Variants in SEMA5A observed in about 807,000 individuals in gnomAD.
The protein encoded by SEMA5A is semaphorin-5A.
SEMA5A carries 55 observed loss-of-function variants against 135.5 expected under a neutral mutation model. The observed-to-expected ratio is 0.41, with a 90% confidence interval of 0.33 to 0.51. SEMA5A has a LOEUF of 0.51. Among genes scored for constraint, SEMA5A ranks in the 20% least tolerant of loss-of-function variants. SEMA5A has a pLI of 0.37. For missense variants in SEMA5A, 1,290 were observed against 1,419.9 expected, an observed-to-expected ratio of 0.91 and a Z score of 1.47; for synonymous variants, 580 against 546.5, an observed-to-expected ratio of 1.06 and a Z score of -0.85.
intron 16 of SEMA5A, among the ~76,000 whole-genome samples, chr5:9,075,742 T>G (rs1313839297): frequency 2.6e-5 from 4 of 152,186 alleles, no homozygotes; most frequent in Non-Finnish European, 5.9e-5. Flanking sequence ...CTACCTTTAT[T>G]GTGTCAATGG....
intron 18 of SEMA5A, among the ~76,000 whole-genome samples, chr5:9,056,207 G>A (rs957006226): frequency 8.5e-5 from 13 of 152,134 alleles, no homozygotes; most frequent in Admixed American, 3.3e-4. Context: ...ATGAATGGCC[G>A]ACAAGTGTGT....
chr5:9,507,317 G>A (rs537818554), intron 1 of SEMA5A, among the ~76,000 whole-genome samples: 20 of 152,322 alleles, frequency 1.3e-4, no homozygotes, highest in South Asian at 2.1e-4. Flanking sequence ...CTCAGAGAGA[G>A]GGGATGTGAG....
chr5:9,179,422 A>G (rs947790579), intron 11 of SEMA5A, among the ~76,000 whole-genome samples: 2 of 152,198 alleles, frequency 1.3e-5, no homozygotes, highest in African/African-American at 4.8e-5. Flanking sequence ...GCAAGAGACC[A>G]AGAAGAAAAC....
chr5:9,446,876 C>T (rs1013344097), intron 1 of SEMA5A, among the ~76,000 whole-genome samples: 1 of 152,156 alleles, frequency 6.6e-6, no homozygotes, highest in Non-Finnish European at 1.5e-5. Context: ...TTCTTATATC[C>T]GCCCTCTGGT....
At chr5:9,308,257 C>T (rs948427080) in intron 5 of SEMA5A, among the ~76,000 whole-genome samples, 1 of 152,136 alleles carries the variant, frequency 6.6e-6, no homozygotes, top group Non-Finnish European at 1.5e-5. Context: ...CATAGCTTCC[C>T]AACTCTCTGG....
At chr5:9,233,883 T>C (rs1023642589) in intron 6 of SEMA5A, among the ~76,000 whole-genome samples, 3 of 152,052 alleles carry the variant, frequency 2.0e-5, no homozygotes, top group South Asian at 2.1e-4. Flanking sequence ...AAATGCATTA[T>C]GTGCAGAAGC....
At position 9,520,780 on chromosome 5, in the gene SEMA5A, A is replaced by T. The variant is rs571657104; in HGVS notation, c.-175+24804T>A. On this transcript the variant is annotated intron_variant, in intron 1 of 22. Transcript: ENST00000382496. ...CCAAACTGAGGACATTTGACAAACT[A>T]CCTGATCAGTCCTCCTGAAAACCAT... Among the ~76,000 whole-genome samples, 365 of 152,268 alleles carry T rather than the reference A, an allele frequency of 2.4e-3. 2 individuals are homozygous for T. The South Asian group carries it at 0.036, about 15-fold the overall frequency.
chr5:9,339,021 G>A (rs920813621), intron 3 of SEMA5A, among the ~76,000 whole-genome samples: 8 of 152,130 alleles, frequency 5.3e-5, no homozygotes, highest in Non-Finnish European at 5.9e-5. Flanking sequence ...GTCATATAGA[G>A]AGGGACTTGT....
chr5:9,435,202 G>A (rs925140905), intron 2 of SEMA5A, among the ~76,000 whole-genome samples: 1 of 152,048 alleles, frequency 6.6e-6, no homozygotes, highest in African/African-American at 2.4e-5. Flanking sequence ...AAAATTATCA[G>A]AAGGCCCAAG....
intron 15 of SEMA5A, among the ~76,000 whole-genome samples, chr5:9,116,078 T>C (rs1289605670): frequency 6.6e-6 from 1 of 152,090 alleles, no homozygotes; most frequent in Non-Finnish European, 1.5e-5. Context: ...TACAAACAAC[T>C]ACCACATGAT....
intron 11 of SEMA5A, among the ~76,000 whole-genome samples, chr5:9,185,233 T>G (rs1744743797): frequency 6.6e-6 from 1 of 152,210 alleles, no homozygotes; most frequent in South Asian, 2.1e-4. Flanking sequence ...CAGCTCTATT[T>G]TTTGAGATTT....
At chr5:9,297,537 C>A (rs1052938491) in intron 5 of SEMA5A, among the ~76,000 whole-genome samples, 2 of 151,962 alleles carry the variant, frequency 1.3e-5, no homozygotes, top group African/African-American at 4.8e-5. Context: ...GAACTGTGAG[C>A]AATAAATTTC....
chr5:9,377,902 G>A (rs958188314), intron 3 of SEMA5A, among the ~76,000 whole-genome samples: 14 of 152,122 alleles, frequency 9.2e-5, no homozygotes, highest in African/African-American at 3.4e-4. Context: ...TAAGTAAAAG[G>A]AATAGGAACA....
chr5:9,223,918 C>A (rs941482383), intron 8 of SEMA5A, among the ~76,000 whole-genome samples: 7 of 152,072 alleles, frequency 4.6e-5, no homozygotes, highest in Admixed American at 4.6e-4. Flanking sequence ...CAAGTTCTGG[C>A]CCAGAACTGA....
intron 3 of SEMA5A, among the ~76,000 whole-genome samples, chr5:9,379,231 G>A (rs1453839033): frequency 6.6e-6 from 1 of 152,174 alleles, no homozygotes; most frequent in East Asian, 1.9e-4. Flanking sequence ...CTTGAGGACA[G>A]AGATAGAGTC....
rs191046560 is a variant in SEMA5A, at chr5:9,462,924, G to C, written c.-174-25072C>G. Among the ~76,000 whole-genome samples the C allele has an allele frequency of 4.9e-3, 738 of 150,386 alleles. 19 individuals carry two copies. The highest frequency in any genetic ancestry group is 0.045 in the Admixed American group (676 of 15,092). ...GAAATAATCTGTACAATGAACCCCC[G>C]TGACATAAGTTTACCTATATAACAA... On this transcript the variant is annotated intron_variant, in intron 1 of 22. Coordinates refer to ENST00000382496, the MANE Select transcript of SEMA5A (RefSeq NM_003966.3).
chr5:9,254,954 C>A (rs1412573223), intron 5 of SEMA5A, among the ~76,000 whole-genome samples: 1 of 152,136 alleles, frequency 6.6e-6, no homozygotes, highest in Non-Finnish European at 1.5e-5. Context: ...AAGCTGTAGA[C>A]TAGACAGAAC....
At position 9,459,294 on chromosome 5, in the gene SEMA5A, C is replaced by A. The variant is rs75505591; in HGVS notation, c.-174-21442G>T. On this transcript the variant is annotated intron_variant, in intron 1 of 22. Coordinates refer to ENST00000382496, the MANE Select transcript of SEMA5A (RefSeq NM_003966.3). ...AGGTGGGACCTGTGACTTGTTTCTA[C>A]AAATAGAACACAGCAAAGATAATAT... is the stretch of plus-strand genomic sequence containing the variant. Among the ~76,000 whole-genome samples, 771 of 152,248 alleles carry A rather than the reference C, an allele frequency of 5.1e-3. 6 individuals carry two copies. Among genetic ancestry groups the A allele is most frequent in the African/African-American group, 0.018 (736 of 41,536 alleles).
chr5:9,117,757 A>T (rs1367259290), intron 15 of SEMA5A, among the ~76,000 whole-genome samples: 1 of 152,210 alleles, frequency 6.6e-6, no homozygotes, highest in Non-Finnish European at 1.5e-5. Context: ...GCATTTAAAA[A>T]CTTCCAACCA....
Sources: gnomAD v4.1 joint callset for allele counts (sites outside exome capture counted in the v4.1 genomes callset) on GRCh38, gnomAD v4.1.1 for gene constraint, MANE v1.5 for transcripts, NCBI Gene and HGNC (gene_info 2026-07-23, HGNC 2026-07-21) for gene names.